Variants in PRCC observed in about 807,000 individuals in gnomAD.
The protein encoded by PRCC is proline-rich protein PRCC.
In PRCC, 10 loss-of-function variants were observed where a neutral mutation model predicts 44.0. That is an observed-to-expected ratio of 0.23 (90% CI 0.14 to 0.39). The LOEUF is 0.39. PRCC is among the 10% of genes least tolerant of loss of function. The probability of loss-of-function intolerance (pLI) is 1.00; values close to 1 mark genes in which losing one functional copy is unlikely to be tolerated. For missense variants in PRCC, 573 were observed against 624.7 expected, an observed-to-expected ratio of 0.92 and a Z score of 0.88; for synonymous variants, 278 against 259.5, an observed-to-expected ratio of 1.07 and a Z score of -0.69.
chr1:156,767,971 T>C lies in PRCC; in HGVS notation c.200T>C (p.Leu67Ser), dbSNP rs772178388. 1 of 1,584,236 alleles carries C rather than the reference T, an allele frequency of 6.3e-7. No individual in the cohort carries two copies. Among genetic ancestry groups the C allele is most frequent in the Non-Finnish European group, 8.6e-7 (1 of 1,164,790 alleles). ...MLAPAFPPPLLLPPPTGDPRL... is the reference protein window; with the variant it reads ...MLAPAFPPPLSLPPPTGDPRL... ...GCGCCAGCCTTTCCCCCGCCGCTGT[T>C]GCTTCCCCCACCCACCGGAGACCCC... Residue 67 changes from leucine to serine, a missense_variant, in exon 1 of 7, where the codon TTG (leucine) becomes TCG (serine). Leu to Ser is a moderately radical substitution (Grantham distance 145, BLOSUM62 -2). Around this residue, in one of 4 missense-constraint regions of PRCC, gnomAD observed 245 missense variants for 188.5 expected, o/e 1.30. Transcript: ENST00000271526.
chr1:156,790,249 A>G (rs879298835), intron 3 of PRCC, among the ~76,000 whole-genome samples: 6 of 152,254 alleles, frequency 3.9e-5, no homozygotes, highest in Admixed American at 6.5e-5. Flanking sequence ...TGTTTGCTAA[A>G]TCTTTGCTGT....
At chr1:156,779,128 A>AT (rs869088692) in intron 1 of PRCC, among the ~76,000 whole-genome samples, 1 of 35,882 alleles carries the variant, frequency 2.8e-5, no homozygotes, top group Non-Finnish European at 4.5e-5. Context: ...ATATATATAT[A>AT]TTTTTTTTTT....
At chr1:156,786,319 CAG>C (rs1376111706) in intron 2 of PRCC, among the ~76,000 whole-genome samples, 1 of 152,072 alleles carries the variant, frequency 6.6e-6, no homozygotes, top group African/African-American at 2.4e-5. Context: ...GTTGAAGACA[CAG>C]AGTTGAGGAA....
Position 156,786,709 on chromosome 1 carries a change from C to T in PRCC, c.618C>T (p.Arg206=). ...NRLLLPHAFS[R]KPSDGSPDTK... Reference sequence around the variant, plus strand: ...TGCTCCTGCCCCATGCCTTCTCCCGCAAACCCTCGGATGGCTCCCCTGATA... The same window carrying T: ...TGCTCCTGCCCCATGCCTTCTCCCGTAAACCCTCGGATGGCTCCCCTGATA... Residue 206 remains arginine (R), a synonymous_variant, in exon 3 of 7, where the codon CGC becomes CGT. Transcript: ENST00000271526. The T allele has an allele frequency of 6.2e-7, 1 of 1,614,184 alleles. No individual in the cohort carries two copies.
intron 5 of PRCC, among the ~76,000 whole-genome samples, chr1:156,795,124 C>T (rs1652612021): frequency 2.0e-5 from 3 of 151,990 alleles, no homozygotes; most frequent in Admixed American, 1.3e-4. Flanking sequence ...CTACTCTTGC[C>T]GTACAGTCAG....
Position 156,791,748 on chromosome 1 carries a change from C to A in PRCC, c.1135C>A (p.Pro379Thr), listed in dbSNP as rs17850664. ...YPAQDPALVP[P>T]QEIAPDASFI... Reference sequence around the variant, plus strand: ...TGCACAGGACCCGGCCCTGGTCCCCCCCCAGGAAATTGCCCCAGATGCCTC... The same window carrying A: ...TGCACAGGACCCGGCCCTGGTCCCCACCCAGGAAATTGCCCCAGATGCCTC... The change falls in exon 4 of 7, where the codon CCC becomes ACC. Residue 379 changes from proline (P) to threonine (T), a missense_variant. Pro to Thr is a conservative substitution (Grantham distance 38). Around this residue, in one of 4 missense-constraint regions of PRCC, gnomAD observed 141 missense variants for 130.2 expected, o/e 1.08. Transcript: ENST00000271526. 9.5e-3 allele frequency: 15,348 copies of A among 1,613,876 alleles called. 93 individuals are homozygous for A. Among genetic ancestry groups the A allele is most frequent in the South Asian group, 0.012 (1,133 of 91,050 alleles).
chr1:156,770,377 C>A (rs1410427524), intron 1 of PRCC, among the ~76,000 whole-genome samples: 1 of 152,142 alleles, frequency 6.6e-6, no homozygotes, highest in Non-Finnish European at 1.5e-5. Flanking sequence ...TAACCTTTGT[C>A]TTTATTTATC....
At chr1:156,784,413 G>A (rs1237143379) in intron 2 of PRCC, among the ~76,000 whole-genome samples, 5 of 152,170 alleles carry the variant, frequency 3.3e-5, no homozygotes. Context: ...AATCTTCCAG[G>A]TGGTAGGAAG....
Position 156,767,783 on chromosome 1 carries a change from T to C in PRCC, c.12T>C (p.Val4=). The C allele has an allele frequency of 6.2e-7, 1 of 1,604,422 alleles. No individual in the cohort carries two copies. The highest frequency in any genetic ancestry group is 8.5e-7 in the Non-Finnish European group (1 of 1,176,982). Residue 4 remains valine, a synonymous_variant, in exon 1 of 7, where the codon GTT becomes GTC. Transcript: ENST00000271526. ...ACGCGGGAGGCGCCATGTCGCTGGT[T>C]GCTTACGCCAGCAGCGATGAGAGCG... MSL[V]AYASSDESEP... is the part of the protein sequence containing the mutation.
rs773763709 is a variant in PRCC at position 156,782,365 on chromosome 1, C to A, written c.516+36C>A. 5 of 1,550,042 alleles carry A rather than the reference C, an allele frequency of 3.2e-6. No homozygotes were observed. The East Asian group carries it at 9.0e-5, about 28-fold the overall frequency. The stretch of plus-strand genomic sequence containing the variant: ...TGATATAAACCATTTTTTTTCTCTT[C>A]CTGTATTATTTCCTCAAAGACAGGA... On this transcript the variant is annotated intron_variant, in intron 2 of 6. Coordinates refer to ENST00000271526, the MANE Select transcript of PRCC (RefSeq NM_005973.5).
intron 4 of PRCC, 119 bp downstream of exon 4, chr1:156,791,911 G>C (rs947155754): frequency 2.2e-6 from 2 of 908,294 alleles, no homozygotes; most frequent in East Asian, 2.5e-5. Context: ...TCAGGATTAG[G>C]TTGGCAACAT....
intron 1 of PRCC, among the ~76,000 whole-genome samples, chr1:156,771,405 G>A (rs1043428377): frequency 6.6e-6 from 1 of 152,196 alleles, no homozygotes; most frequent in African/African-American, 2.4e-5. Flanking sequence ...GAGCAAGACT[G>A]GCAGAATGTG....
rs537188232 is a variant in PRCC at position 156,781,435 on chromosome 1, G to A, written c.469-847G>A. Reference sequence around the variant, plus strand: ...TTTATTTGCAGATATCCAAACCAAGGCCCTGGGAACAAATGGAAAGCTTTA... The same window carrying A: ...TTTATTTGCAGATATCCAAACCAAGACCCTGGGAACAAATGGAAAGCTTTA... On this transcript the variant is annotated intron_variant, in intron 1 of 6. Transcript: ENST00000271526. Among the ~76,000 whole-genome samples the A allele has an allele frequency of 2.6e-5, 4 of 152,294 alleles. No homozygotes were observed. The South Asian group carries it at 8.3e-4, about 32-fold the overall frequency.
At chr1:156,774,754 C>T (rs1181925240) in intron 1 of PRCC, among the ~76,000 whole-genome samples, 1 of 150,840 alleles carries the variant, frequency 6.6e-6, no homozygotes, top group Non-Finnish European at 1.5e-5. Flanking sequence ...TAGTTCAAGA[C>T]CAGCCTGGCC....
chr1:156,791,271 A>G, intron 3 of PRCC: 1 of 769,884 alleles, frequency 1.3e-6, no homozygotes, highest in African/African-American at 1.7e-5. Flanking sequence ...TAGAATGAGG[A>G]GCAGGAATGG....
Position 156,786,581 on chromosome 1 carries a change from C to T in PRCC, c.517-27C>T. On this transcript the variant is annotated intron_variant, in intron 2 of 6. Transcript: ENST00000271526. ...AAATCTCACTTGTCATCTTTCTTTC[C>T]TCCTATCCCACACCTGGGCTCACCA... The T allele has an allele frequency of 1.3e-6, 2 of 1,582,840 alleles. 1 individual carries two copies.
intron 1 of PRCC, among the ~76,000 whole-genome samples, chr1:156,770,642 C>T (rs144189373): frequency 1.4e-4 from 21 of 152,208 alleles, no homozygotes; most frequent in Non-Finnish European, 2.5e-4. Flanking sequence ...CCCAAAGTGC[C>T]GGGATTACAG....
chr1:156,787,331 TAA>T (rs2102765904), intron 3 of PRCC, among the ~76,000 whole-genome samples, 157 bp downstream of exon 3: 1 of 152,178 alleles, frequency 6.6e-6, no homozygotes. Context: ...TGAACCATAT[TAA>T]TCTAAATTGC....
intron 1 of PRCC, among the ~76,000 whole-genome samples, chr1:156,773,320 C>A (rs1052235553): frequency 1.3e-5 from 2 of 152,178 alleles, no homozygotes; most frequent in African/African-American, 4.8e-5. Flanking sequence ...GATAGATTAG[C>A]AGATCCCACT....
Sources: allele counts gnomAD v4.1 joint callset (sites outside exome capture counted in the v4.1 genomes callset), GRCh38; gene constraint gnomAD v4.1.1; regional missense constraint gnomAD v4.1.1; transcripts MANE v1.5; gene names NCBI Gene and HGNC (gene_info 2026-07-23, HGNC 2026-07-21).